Variants in DLGAP2 observed in about 807,000 individuals in gnomAD.
The protein encoded by DLGAP2 is DLG associated protein 2, also known as disks large-associated protein 2.
A neutral mutation model predicts 100.3 loss-of-function variants in DLGAP2; 26 were observed. That is an observed-to-expected ratio of 0.26 (90% CI 0.19 to 0.36). The LOEUF (loss-of-function observed/expected upper bound fraction) is 0.36. DLGAP2 is among the 10% of genes least tolerant of loss of function. The pLI, the probability that DLGAP2 is intolerant of heterozygous loss-of-function variation, is 1.00. For synonymous variants in DLGAP2, 886 were observed against 630.1 expected, an observed-to-expected ratio of 1.41 and a Z score of -6.08; for missense variants, 1,858 against 1,453.2, an observed-to-expected ratio of 1.28 and a Z score of -4.53.
At chr8:1,389,125 G>A (rs1269939151) in intron 3 of DLGAP2, among the ~76,000 whole-genome samples, 1 of 152,168 alleles carries the variant, frequency 6.6e-6, no homozygotes, top group Admixed American at 6.5e-5. Context: ...CTGCAGGTGG[G>A]GAGGGCTCTG....
chr8:1,668,759 C>T (rs1701520710), intron 9 of DLGAP2, 81 bp downstream of exon 9: 20 of 1,275,476 alleles, frequency 1.6e-5, no homozygotes, highest in Middle Eastern at 2.4e-4. Flanking sequence ...ACCCAACCAG[C>T]GGCCCTGGGT....
chr8:1,438,092 C>G (rs978882882), intron 3 of DLGAP2, among the ~76,000 whole-genome samples: 1 of 152,180 alleles, frequency 6.6e-6, no homozygotes, highest in African/African-American at 2.4e-5. Context: ...ACTTCAGAAA[C>G]ACCTGCTGGT....
intron 3 of DLGAP2, among the ~76,000 whole-genome samples, chr8:1,468,594 A>G (rs769463070): frequency 6.6e-6 from 1 of 152,204 alleles, no homozygotes; most frequent in Non-Finnish European, 1.5e-5. Context: ...GGACCCCGGC[A>G]TCCCTCCACC....
intron 2 of DLGAP2, among the ~76,000 whole-genome samples, chr8:1,061,774 C>T (rs1299188408): frequency 2.6e-5 from 4 of 152,006 alleles, no homozygotes; most frequent in African/African-American, 9.7e-5. Context: ...GGAGGTTGCA[C>T]TGAGCCATTT....
intron 6 of DLGAP2, among the ~76,000 whole-genome samples, chr8:1,597,697 G>C (rs1358727330): frequency 6.6e-6 from 1 of 152,168 alleles, no homozygotes. Context: ...AGGAATGCTT[G>C]TGATTTTTGC....
intron 3 of DLGAP2, among the ~76,000 whole-genome samples, chr8:1,277,901 GA>G (rs1799736935): frequency 6.6e-6 from 1 of 152,218 alleles, no homozygotes; most frequent in Non-Finnish European, 1.5e-5. Context: ...GCTGACAGCG[GA>G]AACGTTATCT....
At chr8:1,314,488 C>A (rs1052191412) in intron 3 of DLGAP2, among the ~76,000 whole-genome samples, 3 of 152,206 alleles carry the variant, frequency 2.0e-5, no homozygotes, top group Non-Finnish European at 4.4e-5. Flanking sequence ...TTTGGGATTT[C>A]TCCATCCAAA....
intron 2 of DLGAP2, among the ~76,000 whole-genome samples, chr8:1,157,629 G>A (rs1796816325): frequency 1.3e-5 from 2 of 152,156 alleles, no homozygotes; most frequent in African/African-American, 4.8e-5. Flanking sequence ...TCTCACCTGT[G>A]TGTCCTCTTT....
In DLGAP2 at chr8:1,135,514, T is replaced by TG. The variant is rs1452657103; in HGVS notation, c.74-123337_74-123336insG. 1.9e-3 allele frequency among the ~76,000 whole-genome samples: 261 copies of TG among 136,334 alleles called. 2 individuals carry two copies. Among genetic ancestry groups the TG allele is most frequent in the African/African-American group, 3.3e-3 (110 of 33,036 alleles). 89.4% of individuals were successfully genotyped at this position (136,334 alleles called of 152,430 possible). On this transcript the variant is annotated intron_variant, in intron 2 of 14. Transcript: ENST00000637795. Reference sequence around the variant, plus strand: ...GGGTTTTTTTGTGGGTTTTTTTTTTTTTTTTTTTTTTTTGTCCATATCTTA... The same window carrying TG: ...GGGTTTTTTTGTGGGTTTTTTTTTTTGTTTTTTTTTTTTTGTCCATATCTTA...
intron 3 of DLGAP2, among the ~76,000 whole-genome samples, chr8:1,353,376 G>A (rs1425364907): frequency 6.6e-6 from 1 of 152,136 alleles, no homozygotes; most frequent in African/African-American, 2.4e-5. Flanking sequence ...TTCGAGTTCC[G>A]CACAACCCTT....
At chr8:1,568,734 G>A (rs2906585) in intron 6 of DLGAP2, among the ~76,000 whole-genome samples, 83,645 of 83,794 alleles carry the variant, frequency 1, 41,762 homozygotes, top group Middle Eastern at 1. Context: ...ACACAATTCC[G>A]CTCTGCCCGT....
chr8:1,671,379 G>C (rs142652394), intron 10 of DLGAP2, among the ~76,000 whole-genome samples: 24 of 152,344 alleles, frequency 1.6e-4, no homozygotes, highest in African/African-American at 5.8e-4. Flanking sequence ...GCACAGTTTT[G>C]TCTGAGTGCA....
chr8:1,020,365 C>G (rs1584982874), intron 2 of DLGAP2, among the ~76,000 whole-genome samples: 1 of 152,194 alleles, frequency 6.6e-6, no homozygotes, highest in African/African-American at 2.4e-5. Flanking sequence ...TTATTTTATT[C>G]AATGGTTCTG....
At chr8:1,567,069 C>G (rs906738815) in intron 6 of DLGAP2, among the ~76,000 whole-genome samples, 2 of 152,122 alleles carry the variant, frequency 1.3e-5, no homozygotes, top group Admixed American at 6.5e-5. Context: ...TGGGGAAGCT[C>G]TTAGACTTGT....
At chr8:1,084,149 G>A (rs1397017619) in intron 2 of DLGAP2, among the ~76,000 whole-genome samples, 1 of 152,108 alleles carries the variant, frequency 6.6e-6, no homozygotes, top group African/African-American at 2.4e-5. Flanking sequence ...ATATCAGTAA[G>A]TCTTTTATAG....
In DLGAP2 at chr8:1,028,111, G is replaced by T. The variant is rs1417779179; in HGVS notation, c.73+120145G>T. 1.6e-4 allele frequency among the ~76,000 whole-genome samples: 21 copies of T among 133,466 alleles called. 1 individual carries two copies. In the South Asian group the frequency reaches 3.5e-3, roughly 22 times the overall value. 87.6% of individuals were successfully genotyped at this position (133,466 alleles called of 152,430 possible). On this transcript the variant is annotated intron_variant, in intron 2 of 14. Transcript: ENST00000637795. The stretch of plus-strand genomic sequence containing the variant: ...TCTCCAGGTGGGGTGCCAGGGGCCC[G>T]TTATTCTCCAGGTGGGGTGTCACGC...
chr8:1,049,145 C>T (rs185055353), intron 2 of DLGAP2, among the ~76,000 whole-genome samples: 15 of 152,148 alleles, frequency 9.9e-5, no homozygotes, highest in Admixed American at 4.6e-4. Flanking sequence ...AATGTTTAGA[C>T]GACGACTGGT....
At chr8:945,986 G>C (rs2129006346) in intron 2 of DLGAP2, among the ~76,000 whole-genome samples, 1 of 152,230 alleles carries the variant, frequency 6.6e-6, no homozygotes, top group Admixed American at 6.5e-5. Context: ...GTTGATGACT[G>C]TGCCCCACTT....
At chr8:1,492,897 C>T (rs1037657546) in intron 3 of DLGAP2, among the ~76,000 whole-genome samples, 2 of 152,190 alleles carry the variant, frequency 1.3e-5, no homozygotes, top group African/African-American at 4.8e-5. Flanking sequence ...CACACCTTTC[C>T]ACACATCTTC....
Sources: allele counts gnomAD v4.1 joint callset (sites outside exome capture counted in the v4.1 genomes callset), GRCh38; gene constraint gnomAD v4.1.1; transcripts MANE v1.5; gene names NCBI Gene and HGNC (gene_info 2026-07-23, HGNC 2026-07-21).